Variants in FER observed in about 807,000 individuals in gnomAD.
FER encodes FER tyrosine kinase, also known as tyrosine-protein kinase Fer.
FER carries 63 observed loss-of-function variants against 111.0 expected under a neutral mutation model. That is an observed-to-expected ratio of 0.57 (90% CI 0.46 to 0.70). FER has a LOEUF of 0.70. Ranked by LOEUF, FER falls within the 30% of genes least tolerant of loss-of-function variation. The probability of loss-of-function intolerance (pLI) is 0.00; values close to 1 mark genes in which losing one functional copy is unlikely to be tolerated. For missense variants in FER, 914 were observed against 954.0 expected (o/e 0.96, Z 0.55); for synonymous variants, 327 against 313.9 (o/e 1.04, Z -0.44).
At chr5:109,007,308 G>A (rs1765623897) in intron 13 of FER, among the ~76,000 whole-genome samples, 1 of 152,082 alleles carries the variant, frequency 6.6e-6, no homozygotes, top group Middle Eastern at 3.2e-3. Flanking sequence ...GTTTTAGTCA[G>A]ACTTATTAAG....
intron 1 of FER, among the ~76,000 whole-genome samples, chr5:108,757,071 G>A (rs1461597765): frequency 6.6e-6 from 1 of 152,160 alleles, no homozygotes; most frequent in Admixed American, 6.5e-5. Context: ...GTTATAAAAT[G>A]ATACTGGGAT....
chr5:109,044,273 G>A (rs1289466602), intron 14 of FER, among the ~76,000 whole-genome samples: 1 of 151,444 alleles, frequency 6.6e-6, no homozygotes, highest in African/African-American at 2.4e-5. Flanking sequence ...CTGCCTCCCG[G>A]GTTCATGCCA....
At chr5:109,137,008 C>G (rs1752965988) in intron 17 of FER, among the ~76,000 whole-genome samples, 1 of 152,136 alleles carries the variant, frequency 6.6e-6, no homozygotes. Flanking sequence ...GGCTATACAA[C>G]TTGTCTGTAT....
chr5:109,012,765 T>C (rs1766459953), intron 13 of FER, among the ~76,000 whole-genome samples: 1 of 152,216 alleles, frequency 6.6e-6, no homozygotes, highest in South Asian at 2.1e-4. Flanking sequence ...AAGTGCCTTT[T>C]TTCCTTTTGG....
intron 16 of FER, among the ~76,000 whole-genome samples, chr5:109,087,503 C>G (rs908589066): frequency 6.6e-6 from 1 of 151,210 alleles, no homozygotes; most frequent in Non-Finnish European, 1.5e-5. Flanking sequence ...ATATGTTTGT[C>G]TTTTTATCTT....
chr5:109,063,270 T>G (rs1327247257), intron 16 of FER, among the ~76,000 whole-genome samples: 1 of 152,196 alleles, frequency 6.6e-6, no homozygotes, highest in Non-Finnish European at 1.5e-5. Flanking sequence ...ATCCTTCCCA[T>G]TTATTGTGAA....
intron 4 of FER, among the ~76,000 whole-genome samples, chr5:108,834,194 T>C (rs1760358251): frequency 6.6e-6 from 1 of 152,228 alleles, no homozygotes; most frequent in Non-Finnish European, 1.5e-5. Flanking sequence ...TTTCACATAT[T>C]CCTTCATCTT....
At chr5:108,793,392 AT>A (rs1379246202) in intron 2 of FER, among the ~76,000 whole-genome samples, 2 of 151,942 alleles carry the variant, frequency 1.3e-5, no homozygotes, top group Non-Finnish European at 2.9e-5. Context: ...ACATCTCTTT[AT>A]TCATTCATCT....
intron 17 of FER, among the ~76,000 whole-genome samples, chr5:109,147,154 T>G (rs10074158): frequency 2.6e-5 from 4 of 151,592 alleles, no homozygotes; most frequent in African/African-American, 9.7e-5. Context: ...CAAATTGAAC[T>G]TATTAATATA....
chr5:109,095,246 A>T (rs1747354723), intron 16 of FER, among the ~76,000 whole-genome samples: 1 of 152,130 alleles, frequency 6.6e-6, no homozygotes, highest in African/African-American at 2.4e-5. Flanking sequence ...CAAGCTGTTC[A>T]GGAAGTACTT....
At chr5:109,185,088 G>A (rs1480524521) in intron 18 of FER, among the ~76,000 whole-genome samples, 1 of 152,094 alleles carries the variant, frequency 6.6e-6, no homozygotes, top group Non-Finnish European at 1.5e-5. Flanking sequence ...TAGCTTCTTG[G>A]AGAGGCTGGA....
At chr5:109,109,593 G>A (rs1302420566) in intron 17 of FER, among the ~76,000 whole-genome samples, 7 of 152,076 alleles carry the variant, frequency 4.6e-5, no homozygotes, top group Non-Finnish European at 1.0e-4. Flanking sequence ...AGAAGGCAAG[G>A]CTACTTAAGT....
intron 16 of FER, among the ~76,000 whole-genome samples, chr5:109,059,362 A>G (rs1458724450): frequency 1.5e-5 from 1 of 65,632 alleles, no homozygotes; most frequent in Non-Finnish European, 3.2e-5. Context: ...GCCTCTACTA[A>G]AAAAAAAAAA....
At chr5:109,172,807 G>GTATTTCAT (rs1757285502) in intron 17 of FER, among the ~76,000 whole-genome samples, 1 of 152,042 alleles carries the variant, frequency 6.6e-6, no homozygotes, top group Admixed American at 6.6e-5. Context: ...TGGAGATTTG[G>GTATTTCAT]TATTTCATTT....
intron 17 of FER, among the ~76,000 whole-genome samples, chr5:109,122,943 G>C (rs1309915871): frequency 6.6e-6 from 1 of 151,886 alleles, no homozygotes; most frequent in Non-Finnish European, 1.5e-5. Flanking sequence ...TTTATTTTCA[G>C]GATATGTGTG....
intron 16 of FER, among the ~76,000 whole-genome samples, chr5:109,069,372 A>G (rs1357419169): frequency 6.6e-6 from 1 of 152,190 alleles, no homozygotes; most frequent in Non-Finnish European, 1.5e-5. Context: ...CGACACATGG[A>G]TAGTTAGTAG....
At chr5:108,818,769 T>C (rs1211090912) in intron 3 of FER, among the ~76,000 whole-genome samples, 1 of 152,138 alleles carries the variant, frequency 6.6e-6, no homozygotes, top group Non-Finnish European at 1.5e-5. Flanking sequence ...GTGAGAGGCC[T>C]CTTTCATTTT....
At chr5:108,870,491 T>C (rs1160454544) in intron 6 of FER, among the ~76,000 whole-genome samples, 1 of 152,138 alleles carries the variant, frequency 6.6e-6, no homozygotes, top group Non-Finnish European at 1.5e-5. Context: ...TGCCAGTTGA[T>C]TTCTCTAATT....
At chr5:108,989,427 T>C (rs115935704) in intron 13 of FER, among the ~76,000 whole-genome samples, 7,094 of 152,076 alleles carry the variant, frequency 0.047, 262 homozygotes, top group South Asian at 0.11. Flanking sequence ...TTAAGAAATA[T>C]TAAGAATCAT....
Sources: gnomAD v4.1 joint callset for allele counts (sites outside exome capture counted in the v4.1 genomes callset) on GRCh38, gnomAD v4.1.1 for gene constraint, MANE v1.5 for transcripts, NCBI Gene and HGNC (gene_info 2026-07-23, HGNC 2026-07-21) for gene names.